The following DUSP19 variants were observed in gnomAD, a reference collection of about 807,000 sequenced individuals.
DUSP19 encodes the protein dual specificity phosphatase 19, also known as dual specificity protein phosphatase 19.
Under a neutral mutation model 16.6 loss-of-function variants are expected in DUSP19, and 14 were observed. That is an observed-to-expected ratio of 0.84 (90% CI 0.56 to 1.32). The LOEUF is 1.32. Among genes scored for constraint, DUSP19 ranks in the 40% most tolerant of loss-of-function variants. The pLI, the probability that DUSP19 is intolerant of heterozygous loss-of-function variation, is 0.00. For synonymous variants in DUSP19, 81 were observed against 90.5 expected (o/e 0.90, Z 0.59); for missense variants, 258 against 255.9 (o/e 1.01, Z -0.06).
intron 3 of DUSP19, 152 bp downstream of exon 3, chr2:183,087,344 G>T (rs983253784): frequency 8.3e-6 from 7 of 840,118 alleles, no homozygotes; most frequent in South Asian, 8.2e-5. Context: ...ACAATTATTT[G>T]GTTAATTGCT....
intron 3 of DUSP19, among the ~76,000 whole-genome samples, chr2:183,094,602 C>T (rs771015235): frequency 6.6e-6 from 1 of 152,148 alleles, no homozygotes; most frequent in Non-Finnish European, 1.5e-5. Context: ...TGCACTGTGT[C>T]TCTTTTCACT....
At chr2:183,086,678 C>T (rs1158603803) in intron 2 of DUSP19, among the ~76,000 whole-genome samples, 2 of 136,882 alleles carry the variant, frequency 1.5e-5, no homozygotes, top group Admixed American at 1.5e-4. Flanking sequence ...AAAAAATTAG[C>T]TGGGTGTGGT....
At chr2:183,093,006 C>T (rs926239592) in intron 3 of DUSP19, among the ~76,000 whole-genome samples, 3 of 152,100 alleles carry the variant, frequency 2.0e-5, no homozygotes, top group African/African-American at 7.2e-5. Flanking sequence ...CTGGCCATGC[C>T]GAAGTTTTAA....
At position 183,098,304 on chromosome 2, in the gene DUSP19, C is replaced by T. The variant is rs2105509883; in HGVS notation, c.*2646C>T. On this transcript the variant is annotated 3_prime_UTR_variant, in exon 4 of 4. Coordinates refer to ENST00000354221, the MANE Select transcript of DUSP19 (RefSeq NM_080876.4). Reference sequence around the variant, plus strand: ...GTATCTTCTACAGAAGTGCTTTGAGCATCAAATTTGTTTTAACGTTAAATT... The same window carrying T: ...GTATCTTCTACAGAAGTGCTTTGAGTATCAAATTTGTTTTAACGTTAAATT... 1 of 152,242 alleles carries T rather than the reference C, an allele frequency of 6.6e-6. No homozygotes were observed. The highest frequency in any genetic ancestry group is 1.9e-4 in the East Asian group (1 of 5,184). 9.4% of individuals were successfully genotyped at this position (152,242 alleles called of 1,614,324 possible). A position where few individuals can be genotyped will look rare whatever the true frequency, so the allele number is the denominator to read the frequency against.
In DUSP19 at chr2:183,079,121, A is replaced by T; in HGVS notation, c.188A>T (p.Asp63Val). The T allele has an allele frequency of 1.2e-6, 2 of 1,613,946 alleles. No homozygotes were observed. The highest frequency in any genetic ancestry group is 4.5e-5 in the East Asian group (2 of 44,880). Residue 63 changes from aspartate to valine, a missense_variant, in exon 1 of 4, where the codon GAC (aspartate) becomes GTC (valine). Asp to Val is a radical substitution (Grantham distance 152). Coordinates refer to ENST00000354221, the MANE Select transcript of DUSP19 (RefSeq NM_080876.4). ...GGTTATGTGCAGGACCTTAGCTCGGACCTGCAAGTTGGCGTTATTAAGCCA... is the reference window on the plus strand; with the variant it reads ...GGTTATGTGCAGGACCTTAGCTCGGTCCTGCAAGTTGGCGTTATTAAGCCA... ...GCGYVQDLSS[D>V]LQVGVIKPWL... is the part of the protein sequence containing the mutation.
intron 3 of DUSP19, among the ~76,000 whole-genome samples, chr2:183,090,315 CT>C (rs1699716624): frequency 2.6e-5 from 4 of 152,114 alleles, no homozygotes; most frequent in Admixed American, 2.6e-4. Context: ...TCCCTCTGTA[CT>C]TGCAAAACTC....
At position 183,097,670 on chromosome 2, in the gene DUSP19, G is replaced by A. The variant is rs1699820821; in HGVS notation, c.*2012G>A. ...AGCTCTTTGAAGCCAACCAAGGCAGGCAGAACCCTCTTAAATATGAGACTG... is the reference window on the plus strand; with the variant it reads ...AGCTCTTTGAAGCCAACCAAGGCAGACAGAACCCTCTTAAATATGAGACTG... On this transcript the variant is annotated 3_prime_UTR_variant, in exon 4 of 4. Coordinates refer to ENST00000354221, the MANE Select transcript of DUSP19 (RefSeq NM_080876.4). 1 of 152,076 alleles carries A rather than the reference G, an allele frequency of 6.6e-6. No individual in the cohort carries two copies. The highest frequency in any genetic ancestry group is 6.6e-5 in the Admixed American group (1 of 15,264). 9.4% of individuals were successfully genotyped at this position (152,076 alleles called of 1,614,324 possible).
intron 3 of DUSP19, among the ~76,000 whole-genome samples, chr2:183,087,967 C>T (rs1361153336): frequency 1.3e-5 from 2 of 152,106 alleles, no homozygotes; most frequent in African/African-American, 4.8e-5. Flanking sequence ...GTTCTACGTG[C>T]CTTCCTACTA....
chr2:183,085,849 T>TTTG (rs1699653204), intron 2 of DUSP19, among the ~76,000 whole-genome samples: 1 of 36,094 alleles, frequency 2.8e-5, no homozygotes, highest in Non-Finnish European at 5.1e-5. Flanking sequence ...GTTGTTAGGT[T>TTTG]TTTTTTTTTT....
intron 1 of DUSP19, 91 bp downstream of exon 1, chr2:183,079,250 T>G (rs558209516): frequency 5.6e-6 from 7 of 1,241,374 alleles, no homozygotes; most frequent in Non-Finnish European, 7.9e-6. Context: ...GTCTGTATTA[T>G]CAGCTATCCT....
intron 1 of DUSP19, among the ~76,000 whole-genome samples, chr2:183,079,838 T>G (rs1027851631): frequency 6.6e-6 from 1 of 152,342 alleles, no homozygotes; most frequent in African/African-American, 2.4e-5. Context: ...TCAAGAATGT[T>G]TTCAAGTACG....
At chr2:183,082,683 C>A (rs932619212) in intron 1 of DUSP19, among the ~76,000 whole-genome samples, 4 of 152,110 alleles carry the variant, frequency 2.6e-5, no homozygotes, top group African/African-American at 9.7e-5. Context: ...CTCAGCCTCC[C>A]AAAGTGCTGG....
intron 2 of DUSP19, among the ~76,000 whole-genome samples, chr2:183,084,548 G>C (rs1204391960): frequency 2.6e-5 from 4 of 152,164 alleles, no homozygotes; most frequent in African/African-American, 9.7e-5. Context: ...AATAGAGAGT[G>C]TGAGAAAGAA....
rs960236414 is a variant in DUSP19 at position 183,078,796 on chromosome 2, T to C, written c.-138T>C. The C allele has an allele frequency of 8.4e-6, 6 of 713,624 alleles. No homozygotes were observed. The highest frequency in any genetic ancestry group is 1.4e-5 in the Non-Finnish European group (6 of 431,452). 44.2% of individuals were successfully genotyped at this position (713,624 alleles called of 1,614,324 possible). ...AGCTGGACGACTCAGTCTCTTGGTCTGTGGCTGCTGCGGTTACCTGGATGG... is the reference window on the plus strand; with the variant it reads ...AGCTGGACGACTCAGTCTCTTGGTCCGTGGCTGCTGCGGTTACCTGGATGG... On this transcript the variant is annotated 5_prime_UTR_variant, in exon 1 of 4. Transcript: ENST00000354221.
Position 183,098,511 on chromosome 2 carries a change from T to C in DUSP19, c.*2853T>C, listed in dbSNP as rs1039802365. 6.6e-6 allele frequency: 1 copy of C among 152,228 alleles called. No individual in the cohort carries two copies. The highest frequency in any genetic ancestry group is 1.5e-5 in the Non-Finnish European group (1 of 68,038). 9.4% of individuals were successfully genotyped at this position (152,228 alleles called of 1,614,324 possible). On this transcript the variant is annotated 3_prime_UTR_variant, in exon 4 of 4. Coordinates refer to ENST00000354221, the MANE Select transcript of DUSP19 (RefSeq NM_080876.4). ...TATGATTACGGTCCTCTTTCTCACA[T>C]ACTGCAAACTTAAAAGATACATACA...
chr2:183,083,149 G>T (rs1699615952), intron 1 of DUSP19, among the ~76,000 whole-genome samples: 1 of 152,094 alleles, frequency 6.6e-6, no homozygotes, highest in Non-Finnish European at 1.5e-5. Context: ...GGTGGTAATG[G>T]CTGTATGTAT....
rs1210042740 is a variant in DUSP19 at position 183,095,932 on chromosome 2, GA to G, written c.*279del. On this transcript the variant is annotated 3_prime_UTR_variant, in exon 4 of 4. Transcript: ENST00000354221. ...TTAGTAATCATTGCTTTCTGTAGAA[GA>G]AAAAGGTTTAAATTTAAAATGTGTA... 8.9e-6 allele frequency: 2 copies of G among 224,554 alleles called. No homozygotes were observed. The highest frequency in any genetic ancestry group is 4.5e-5 in the African/African-American group (2 of 44,230). The allele number at this position is 224,554 out of a possible 1,614,324, so 13.9% of individuals were successfully genotyped here. A position where few individuals can be genotyped will look rare whatever the true frequency, so the allele number is the denominator to read the frequency against.
intron 3 of DUSP19, among the ~76,000 whole-genome samples, chr2:183,092,080 C>T (rs1699739467): frequency 6.6e-6 from 1 of 152,138 alleles, no homozygotes; most frequent in South Asian, 2.1e-4. Flanking sequence ...CAAGACATTG[C>T]TTAGTTCTTT....
At chr2:183,090,656 T>C (rs1238402097) in intron 3 of DUSP19, among the ~76,000 whole-genome samples, 1 of 152,252 alleles carries the variant, frequency 6.6e-6, no homozygotes, top group Non-Finnish European at 1.5e-5. Context: ...TATATATGTA[T>C]TTTTATAAAA....
Sources: gnomAD v4.1 joint callset for allele counts (sites outside exome capture counted in the v4.1 genomes callset) on GRCh38, gnomAD v4.1.1 for gene constraint, MANE v1.5 for transcripts, NCBI Gene and HGNC (gene_info 2026-07-23, HGNC 2026-07-21) for gene names.